The following RAPGEF1 variants were observed in gnomAD, a reference collection of about 807,000 sequenced individuals.
RAPGEF1 encodes CRK SH3-binding GNRP.
RAPGEF1 carries 33 observed loss-of-function variants against 143.3 expected under a neutral mutation model. That is an observed-to-expected ratio of 0.23 (90% CI 0.17 to 0.31). The LOEUF (loss-of-function observed/expected upper bound fraction) is 0.31, where lower values mean the gene tolerates loss of function less well. Among genes scored for constraint, RAPGEF1 ranks in the 10% least tolerant of loss-of-function variants. RAPGEF1 has a pLI of 1.00. For missense variants in RAPGEF1, 1,199 were observed against 1,645.4 expected (o/e 0.73, Z 4.69); for synonymous variants, 629 against 676.5 (o/e 0.93, Z 1.09).
intron 1 of RAPGEF1, among the ~76,000 whole-genome samples, chr9:131,660,053 C>T (rs559303745): frequency 5.3e-5 from 8 of 152,128 alleles, no homozygotes; most frequent in African/African-American, 1.4e-4. Context: ...CTCCTGACTC[C>T]GTGATCCGCC....
chr9:131,587,401 A>C (rs1002507421), intron 22 of RAPGEF1, among the ~76,000 whole-genome samples: 1 of 152,280 alleles, frequency 6.6e-6, no homozygotes, highest in African/African-American at 2.4e-5. Context: ...AGGCAGAGTC[A>C]GTGTGAGCAT....
intron 19 of RAPGEF1, among the ~76,000 whole-genome samples, chr9:131,589,534 G>A (rs916466459): frequency 1.3e-5 from 2 of 152,238 alleles, no homozygotes; most frequent in African/African-American, 4.8e-5. Flanking sequence ...AGGAGCGAGG[G>A]AGAGGTGGCC....
At chr9:131,606,798 A>G (rs1371206624) in intron 12 of RAPGEF1, among the ~76,000 whole-genome samples, 1 of 151,870 alleles carries the variant, frequency 6.6e-6, no homozygotes, top group African/African-American at 2.4e-5. Context: ...TCACTTTTTG[A>G]TTTTTTTGTA....
intron 1 of RAPGEF1, chr9:131,709,942 A>G (rs1835389835): frequency 1.0e-6 from 1 of 985,424 alleles, no homozygotes; most frequent in African/African-American, 1.7e-5. Flanking sequence ...CCTCTCAGGC[A>G]TGGTCTATAT....
chr9:131,592,567 C>T (rs940771216), intron 17 of RAPGEF1, among the ~76,000 whole-genome samples: 1 of 152,068 alleles, frequency 6.6e-6, no homozygotes, highest in Non-Finnish European at 1.5e-5. Context: ...CATCAAAACC[C>T]GGTGGCATGC....
chr9:131,685,847 C>T (rs79707386), intron 1 of RAPGEF1, among the ~76,000 whole-genome samples: 5,428 of 152,120 alleles, frequency 0.036, 212 homozygotes, highest in East Asian at 0.088. Context: ...AAAACTCAGG[C>T]GAATTCAGCT....
At chr9:131,668,514 G>C (rs1458219322) in intron 1 of RAPGEF1, among the ~76,000 whole-genome samples, 1 of 152,032 alleles carries the variant, frequency 6.6e-6, no homozygotes. Flanking sequence ...CGAGTCACAC[G>C]GTAGTCATGG....
Position 131,603,965 on chromosome 9 carries a change from C to T in RAPGEF1, c.2408G>A (p.Arg803Gln), listed in dbSNP as rs868370229. 4 of 1,323,020 alleles carry T rather than the reference C, an allele frequency of 3.0e-6. No individual in the cohort carries two copies. The highest frequency in any genetic ancestry group is 2.1e-5 in the Admixed American group (1 of 47,230). 82.0% of individuals were successfully genotyped at this position (1,323,020 alleles called of 1,614,324 possible). A position where few individuals can be genotyped will look rare whatever the true frequency, so the allele number is the denominator to read the frequency against. The change falls in exon 14 of 27, where the codon CGA (arginine) becomes CAA (glutamine). Residue 803 changes from arginine (R) to glutamine (Q), a missense_variant. Physicochemically the swap from Arg to Gln is conservative, Grantham distance 43 (BLOSUM62 1). This residue lies in a region of RAPGEF1 where 293 missense variants were observed against 356.2 expected (regional missense o/e 0.82). Coordinates refer to ENST00000683357, the MANE Select transcript of RAPGEF1 (RefSeq NM_001377935.1). Reference sequence around the variant, plus strand: ...AGGCCGCCCGAGGTTACTTACTCCTCGAGAGGGAGCCAGCTCCTCGCTGCT... The same window carrying T: ...AGGCCGCCCGAGGTTACTTACTCCTTGAGAGGGAGCCAGCTCCTCGCTGCT... The part of the protein sequence containing the change: ...GQSSEELAPS[R>Q]GEPPAGKDGH...
intron 14 of RAPGEF1, among the ~76,000 whole-genome samples, 188 bp from the exon 15 acceptor site, chr9:131,602,337 C>T (rs2132470656): frequency 6.6e-6 from 1 of 152,348 alleles, no homozygotes; most frequent in East Asian, 1.9e-4. Context: ...AGCATGTGGC[C>T]TTTGGAGAAA....
intron 1 of RAPGEF1, among the ~76,000 whole-genome samples, chr9:131,669,446 C>A (rs1258147151): frequency 6.6e-6 from 1 of 152,098 alleles, no homozygotes; most frequent in African/African-American, 2.4e-5. Flanking sequence ...TCAGACACTG[C>A]GTGGCATCCT....
chr9:131,699,322 G>A (rs1834451887), intron 1 of RAPGEF1, among the ~76,000 whole-genome samples: 1 of 148,054 alleles, frequency 6.8e-6, no homozygotes, highest in Non-Finnish European at 1.5e-5. Context: ...TTGGCTCACT[G>A]CAACCTCTGC....
chr9:131,640,410 A>G (rs1441649669), intron 4 of RAPGEF1, among the ~76,000 whole-genome samples: 1 of 152,228 alleles, frequency 6.6e-6, no homozygotes, highest in Non-Finnish European at 1.5e-5. Context: ...ATTGGATGCT[A>G]ACGTTTCCCG....
chr9:131,608,025 C>T (rs1213775486), intron 12 of RAPGEF1, among the ~76,000 whole-genome samples: 1 of 152,232 alleles, frequency 6.6e-6, no homozygotes, highest in Non-Finnish European at 1.5e-5. Flanking sequence ...AGGGCAGCGG[C>T]TGACTGCAAG....
At chr9:131,658,120 A>C (rs7020847) in intron 1 of RAPGEF1, among the ~76,000 whole-genome samples, 3,703 of 152,340 alleles carry the variant, frequency 0.024, 153 homozygotes, top group African/African-American at 0.084. Flanking sequence ...CTCCTGGAAC[A>C]CATGCCAACA....
chr9:131,716,839 G>T (rs372388586), intron 1 of RAPGEF1, among the ~76,000 whole-genome samples: 1 of 152,180 alleles, frequency 6.6e-6, no homozygotes, highest in African/African-American at 2.4e-5. Flanking sequence ...TCCTAAGTAC[G>T]TGGATTGGCA....
rs753065518 is a variant in RAPGEF1, at chr9:131,580,402, G to GGGT, written c.3513-14_3513-12dup. On this transcript the variant is annotated splice_polypyrimidine_tract_variant and intron_variant, in intron 25 of 26. Transcript: ENST00000683357. ...TGCAGGATCAGCCCCCTGGGAGGAC[G>GGGT]GGTTAGGCAGCCTGTTACTGCTACG... The GGGT allele has an allele frequency of 6.2e-7, 1 of 1,611,664 alleles. No homozygotes were observed. Among genetic ancestry groups the GGGT allele is most frequent in the Non-Finnish European group, 8.5e-7 (1 of 1,178,420 alleles).
At chr9:131,671,451 CA>C (rs1450686054) in intron 1 of RAPGEF1, among the ~76,000 whole-genome samples, 3 of 152,234 alleles carry the variant, frequency 2.0e-5, no homozygotes, top group African/African-American at 4.8e-5. Flanking sequence ...GGCCCGCCCA[CA>C]AAACTGGGGT....
At chr9:131,642,735 A>T (rs1381148939) in intron 4 of RAPGEF1, among the ~76,000 whole-genome samples, 3 of 152,178 alleles carry the variant, frequency 2.0e-5, no homozygotes, top group Non-Finnish European at 4.4e-5. Context: ...CTAAGGTACT[A>T]AAAAACTCTT....
intron 10 of RAPGEF1, among the ~76,000 whole-genome samples, chr9:131,622,317 G>A (rs1265230020): frequency 6.6e-6 from 1 of 152,202 alleles, no homozygotes; most frequent in Non-Finnish European, 1.5e-5. Context: ...CTTTCCCCTC[G>A]AGGCATGTCG....
Sources: gnomAD v4.1 joint callset for allele counts (sites outside exome capture counted in the v4.1 genomes callset) on GRCh38, gnomAD v4.1.1 for gene constraint, gnomAD v4.1.1 regional missense constraint, MANE v1.5 for transcripts, NCBI Gene and HGNC (gene_info 2026-07-23, HGNC 2026-07-21) for gene names.